Variants in PARK7 observed in about 807,000 individuals in gnomAD.
PARK7 encodes the protein Parkinson disease protein 7.
In PARK7, 14 loss-of-function variants were observed where a neutral mutation model predicts 20.5. The ratio of observed to expected loss-of-function variants is 0.68; its 90% CI spans 0.45 to 1.07. The LOEUF (loss-of-function observed/expected upper bound fraction) is 1.07, where lower values mean the gene tolerates loss of function less well. PARK7 is among the 50% of genes least tolerant of loss of function. The pLI, the probability that PARK7 is intolerant of heterozygous loss-of-function variation, is 0.00. For synonymous variants in PARK7, 98 were observed against 84.3 expected, an observed-to-expected ratio of 1.16 and a Z score of -0.89; for missense variants, 234 against 238.1, an observed-to-expected ratio of 0.98 and a Z score of 0.11.
At chr1:7,969,450 GAA>G (rs371300988) in intron 4 of PARK7, 46 bp downstream of exon 4, 5 of 740,564 alleles carry the variant, frequency 6.8e-6, no homozygotes, top group South Asian at 4.4e-5. Flanking sequence ...TGGGGGGGGG[GAA>G]AAACTAAAGA....
chr1:7,968,473 A>T (rs1640377027), intron 3 of PARK7, among the ~76,000 whole-genome samples: 5 of 152,024 alleles, frequency 3.3e-5, no homozygotes, highest in Admixed American at 2.6e-4. Flanking sequence ...CATAAAGTTA[A>T]GAAAAATTTT....
intron 4 of PARK7, among the ~76,000 whole-genome samples, chr1:7,969,819 C>A (rs561091260): frequency 6.6e-6 from 1 of 152,038 alleles, no homozygotes; most frequent in East Asian, 2.0e-4. Flanking sequence ...ACCTCGTGAT[C>A]CGCCCACCTC....
chr1:7,980,160 CAA>C (rs34615529), intron 6 of PARK7, among the ~76,000 whole-genome samples: 6 of 125,116 alleles, frequency 4.8e-5, no homozygotes, highest in Admixed American at 8.4e-5. Flanking sequence ...GACTCCATCT[CAA>C]AAAAAAAAAA....
intron 6 of PARK7, among the ~76,000 whole-genome samples, chr1:7,982,576 A>G (rs1640734842): frequency 6.6e-6 from 1 of 151,722 alleles, no homozygotes; most frequent in Admixed American, 6.6e-5. Flanking sequence ...TAACCAGTTT[A>G]AGCCCTGTTT....
chr1:7,967,579 G>A (rs1374939340), intron 3 of PARK7, among the ~76,000 whole-genome samples: 2 of 152,060 alleles, frequency 1.3e-5, no homozygotes, highest in East Asian at 3.8e-4. Context: ...TTTGAGTTTT[G>A]AGCTTTGCTT....
At chr1:7,969,925 T>C (rs1297728852) in intron 4 of PARK7, among the ~76,000 whole-genome samples, 1 of 152,190 alleles carries the variant, frequency 6.6e-6, no homozygotes, top group Non-Finnish European at 1.5e-5. Context: ...GTGCAGTGGC[T>C]CAACGTCTAT....
chr1:7,970,848 G>A, intron 4 of PARK7, 46 bp from the exon 5 acceptor site: 1 of 1,592,238 alleles, frequency 6.3e-7, no homozygotes, highest in South Asian at 1.1e-5. Flanking sequence ...TGATTGGTTA[G>A]TGGCTTAATG....
At chr1:7,970,768 T>C (rs1578096695) in intron 4 of PARK7, 126 bp from the exon 5 acceptor site, 1 of 852,958 alleles carries the variant, frequency 1.2e-6, no homozygotes, top group Non-Finnish European at 1.9e-6. Context: ...TTTAGAAATA[T>C]TGTTGGAAAA....
rs142405016 is a variant in PARK7 at position 7,962,868 on chromosome 1, G to A, written c.83G>A (p.Arg28Gln). 4.4e-5 allele frequency: 71 copies of A among 1,612,688 alleles called. No homozygotes were observed. Among genetic ancestry groups the A allele is most frequent in the South Asian group, 3.8e-4 (35 of 91,046 alleles). Residue 28 changes from arginine to glutamine, a missense_variant, in exon 2 of 7, where the codon CGA (arginine) becomes CAA (glutamine). Transcript: ENST00000338639. ...ETVIPVDVMR[R>Q]AGIKVTVAGL... ...GTCATCCCTGTAGATGTCATGAGGC[G>A]AGCTGGGGTAAGTCCCACATCGATT...
Position 7,969,250 on chromosome 1 carries a change from C to T in PARK7, c.193-95C>T, listed in dbSNP as rs559369433. On this transcript the variant is annotated intron_variant, in intron 3 of 6. Transcript: ENST00000338639. ...GCAGATAGGCTATCTCCTGTACTTC[C>T]CACATTTAAAATAGGAAAGTATTAT... 8.5e-4 allele frequency: 852 copies of T among 999,226 alleles called. 19 individuals are homozygous for T. In the South Asian group the frequency reaches 0.011, roughly 13 times the overall value. 61.9% of individuals were successfully genotyped at this position (999,226 alleles called of 1,614,324 possible).
intron 5 of PARK7, among the ~76,000 whole-genome samples, 162 bp from the exon 6 acceptor site, chr1:7,977,490 G>A (rs1429907196): frequency 6.6e-6 from 1 of 152,082 alleles, no homozygotes; most frequent in East Asian, 1.9e-4. Context: ...GGTCTGTGTT[G>A]CCCAGGCTGA....
intron 2 of PARK7, among the ~76,000 whole-genome samples, chr1:7,964,391 C>T (rs1366919548): frequency 6.6e-6 from 1 of 152,136 alleles, no homozygotes; most frequent in African/African-American, 2.4e-5. Flanking sequence ...CAGCCTGGCC[C>T]CAGAGTCTGT....
chr1:7,970,941 C>T lies in PARK7; in HGVS notation c.300C>T (p.Gly100=). ...EILKEQENRK[G]LIAAICAGPT... is the part of the protein sequence containing the mutation. ...TGAAGGAGCAGGAAAACCGGAAGGG[C>T]CTGATAGCCGCCATCTGTGCAGGTG... Residue 100 remains glycine (G), a synonymous_variant, in exon 5 of 7, where the codon GGC becomes GGT. Coordinates refer to ENST00000338639, the MANE Select transcript of PARK7 (RefSeq NM_007262.5). The T allele has an allele frequency of 6.2e-7, 1 of 1,614,164 alleles. No homozygotes were observed. Among genetic ancestry groups the T allele is most frequent in the Non-Finnish European group, 8.5e-7 (1 of 1,180,038 alleles).
rs890223048 is a variant in PARK7, at chr1:7,985,124, A to G, written c.*70A>G. The G allele has an allele frequency of 1.5e-5, 23 of 1,566,638 alleles. No individual in the cohort carries two copies. The highest frequency in any genetic ancestry group is 2.0e-5 in the Non-Finnish European group (23 of 1,156,342). The stretch of plus-strand genomic sequence containing the variant: ...ATCCATTCTCACTGTGTTCGCTCTA[A>G]ACAAAACAGTGGTAGGTTAATGTGT... On this transcript the variant is annotated 3_prime_UTR_variant, in exon 7 of 7. Transcript: ENST00000338639.
At position 7,982,184 on chromosome 1, in the gene PARK7, A is replaced by T. The variant is rs1417853409; in HGVS notation, c.410-2710A>T. On this transcript the variant is annotated intron_variant, in intron 6 of 6. Transcript: ENST00000338639. Reference sequence around the variant, plus strand: ...TTTTTTTTAGTAGAGGCGGGGTTTCACCATGTTGGTCAGGCTGGTCTTGAA... The same window carrying T: ...TTTTTTTTAGTAGAGGCGGGGTTTCTCCATGTTGGTCAGGCTGGTCTTGAA... Among the ~76,000 whole-genome samples, 16 of 144,372 alleles carry T rather than the reference A, an allele frequency of 1.1e-4. No homozygotes were observed. The South Asian group carries it at 3.1e-3, about 28-fold the overall frequency. 94.7% of individuals were successfully genotyped at this position (144,372 alleles called of 152,430 possible).
At chr1:7,962,672 T>G (rs1329679751) in intron 1 of PARK7, 91 bp from the exon 2 acceptor site, 1 of 772,574 alleles carries the variant, frequency 1.3e-6, no homozygotes, top group Non-Finnish European at 2.1e-6. Context: ...GTACTTACTC[T>G]GCTTGAAAAT....
At chr1:7,967,914 T>A (rs115601785) in intron 3 of PARK7, among the ~76,000 whole-genome samples, 3,107 of 152,210 alleles carry the variant, frequency 0.02, 117 homozygotes, top group African/African-American at 0.071. Flanking sequence ...AGGTGAGGGC[T>A]TCTCTCTAAA....
At chr1:7,963,754 G>GC (rs1640263171) in intron 2 of PARK7, among the ~76,000 whole-genome samples, 1 of 151,228 alleles carries the variant, frequency 6.6e-6, no homozygotes, top group South Asian at 2.1e-4. Context: ...CCAATCCTAT[G>GC]CCCCTTCTTC....
In PARK7 at chr1:7,962,740, C is replaced by CT. The variant is rs370370394; in HGVS notation, c.-23-4dup. 111,049 of 1,138,026 alleles carry CT rather than the reference C, an allele frequency of 0.098. 36 individuals carry two copies. Among genetic ancestry groups the CT allele is most frequent in the Non-Finnish European group, 0.11 (88,467 of 828,112 alleles). 70.5% of individuals were successfully genotyped at this position (1,138,026 alleles called of 1,614,324 possible). A position where few individuals can be genotyped will look rare whatever the true frequency, so the allele number is the denominator to read the frequency against. On this transcript the variant is annotated intron_variant, in intron 1 of 6. Coordinates refer to ENST00000338639, the MANE Select transcript of PARK7 (RefSeq NM_007262.5). ...GGTTGCAATGAAAGTTTTTTGAAAT[C>CT]TTTTTTTTTTTTTTTTTTTAAGGCT...
Sources: gnomAD v4.1 joint callset for allele counts (sites outside exome capture counted in the v4.1 genomes callset) on GRCh38, gnomAD v4.1.1 for gene constraint, MANE v1.5 for transcripts, NCBI Gene and HGNC (gene_info 2026-07-23, HGNC 2026-07-21) for gene names.